Variants in TPRG1 observed in about 807,000 individuals in gnomAD.
TPRG1 encodes tumor protein p63-regulated gene 1 protein.
Under a neutral mutation model 29.3 loss-of-function variants are expected in TPRG1, and 29 were observed. The observed-to-expected ratio is 0.99, with a 90% CI of 0.74 to 1.35. TPRG1 has a LOEUF of 1.35. Ranked by LOEUF, TPRG1 falls within the 40% of genes most tolerant of loss-of-function variation. The probability of loss-of-function intolerance (pLI) is 0.00; values close to 1 mark genes in which losing one functional copy is unlikely to be tolerated. For missense variants in TPRG1, 327 were observed against 335.0 expected, an observed-to-expected ratio of 0.98 and a Z score of 0.19; for synonymous variants, 130 against 116.8, an observed-to-expected ratio of 1.11 and a Z score of -0.73.
chr3:189,146,380 A>C (rs1725266716), intron 3 of TPRG1, among the ~76,000 whole-genome samples: 1 of 152,194 alleles, frequency 6.6e-6, no homozygotes, highest in African/African-American at 2.4e-5. Flanking sequence ...AATTACTAGG[A>C]ATTTTCCAGG....
At chr3:189,185,841 A>T (rs1356560227) in intron 1 of TPRG1, among the ~76,000 whole-genome samples, 7 of 152,280 alleles carry the variant, frequency 4.6e-5, no homozygotes, top group African/African-American at 1.7e-4. Flanking sequence ...TCAGGATTTG[A>T]AAAACCATAT....
chr3:189,002,376 C>T (rs16863868), intron 2 of TPRG1, among the ~76,000 whole-genome samples: 12,913 of 151,956 alleles, frequency 0.085, 1,783 homozygotes, highest in African/African-American at 0.29. Context: ...GATTTTCTTA[C>T]ACTTAAGCTG....
At chr3:189,009,811 G>A (rs1712498941) in intron 3 of TPRG1, among the ~76,000 whole-genome samples, 1 of 151,526 alleles carries the variant, frequency 6.6e-6, no homozygotes, top group Admixed American at 6.6e-5. Context: ...TTTATTTTAA[G>A]TTCAGGGGTA....
chr3:189,136,884 C>T (rs1053162648), intron 3 of TPRG1, among the ~76,000 whole-genome samples: 1 of 152,122 alleles, frequency 6.6e-6, no homozygotes, highest in South Asian at 2.1e-4. Flanking sequence ...TTGGTCTCCA[C>T]AATCATCATT....
chr3:189,138,808 A>G (rs1277669315), intron 3 of TPRG1, among the ~76,000 whole-genome samples: 1 of 152,170 alleles, frequency 6.6e-6, no homozygotes, highest in East Asian at 1.9e-4. Flanking sequence ...TGAGGGCTTT[A>G]TGCATATAAG....
intron 1 of TPRG1, among the ~76,000 whole-genome samples, chr3:189,122,908 G>A (rs1441263455): frequency 6.6e-6 from 1 of 152,168 alleles, no homozygotes; most frequent in East Asian, 1.9e-4. Flanking sequence ...ACTCATTTAT[G>A]CACAAATATT....
chr3:189,112,464 G>A (rs187254323), intron 1 of TPRG1, among the ~76,000 whole-genome samples: 2 of 152,282 alleles, frequency 1.3e-5, no homozygotes, highest in East Asian at 1.9e-4. Context: ...CCTATGTCCT[G>A]AATGGTAATG....
intron 4 of TPRG1, among the ~76,000 whole-genome samples, chr3:189,091,437 G>A (rs185510384): frequency 8.4e-4 from 128 of 152,076 alleles, no homozygotes; most frequent in African/African-American, 3.0e-3. Context: ...CCATCACATA[G>A]TAATAGCCTG....
chr3:189,202,499 A>G (rs768165762), intron 1 of TPRG1, among the ~76,000 whole-genome samples: 5 of 152,168 alleles, frequency 3.3e-5, no homozygotes, highest in Admixed American at 6.5e-5. Flanking sequence ...TAAATCGTTC[A>G]ATATTATGTG....
intron 4 of TPRG1, among the ~76,000 whole-genome samples, chr3:189,256,016 G>T (rs990405764): frequency 2.6e-5 from 4 of 152,026 alleles, no homozygotes; most frequent in African/African-American, 7.2e-5. Context: ...ATCTCCTTCA[G>T]TTCTGCTCTG....
intron 4 of TPRG1, among the ~76,000 whole-genome samples, chr3:189,093,533 G>A (rs1302837255): frequency 1.3e-5 from 2 of 152,150 alleles, no homozygotes; most frequent in East Asian, 1.9e-4. Context: ...TTGTGGGCTC[G>A]CGGGGATTTT....
intron 1 of TPRG1, among the ~76,000 whole-genome samples, chr3:189,108,059 C>T (rs183568039): frequency 4.2e-4 from 64 of 152,236 alleles, no homozygotes; most frequent in Non-Finnish European, 1.3e-4. Flanking sequence ...ATGGGGAGGT[C>T]GCCACTTCAC....
upstream of TPRG1, among the ~76,000 whole-genome samples, chr3:189,167,069 T>C (rs573419328): frequency 1.3e-5 from 2 of 152,336 alleles, no homozygotes; most frequent in African/African-American, 4.8e-5. Context: ...GCGGTGTTTT[T>C]TTCTCTGATG....
chr3:189,276,988 C>G (rs1465078797), intron 4 of TPRG1, among the ~76,000 whole-genome samples: 5 of 152,142 alleles, frequency 3.3e-5, no homozygotes, highest in African/African-American at 7.2e-5. Flanking sequence ...CCTCTCTTTG[C>G]CTCCTTGTTA....
chr3:189,295,924 A>AC (rs1412564298), intron 4 of TPRG1, among the ~76,000 whole-genome samples: 7 of 105,762 alleles, frequency 6.6e-5, no homozygotes, highest in Non-Finnish European at 1.2e-4. Context: ...AAAAAAAAAA[A>AC]AAAAAAAACA....
At chr3:189,163,240 T>C (rs1018176802) in intron 5 of TPRG1, among the ~76,000 whole-genome samples, 15 of 152,196 alleles carry the variant, frequency 9.9e-5, no homozygotes, top group African/African-American at 3.6e-4. Context: ...ACCATTGCAC[T>C]GCAGCCTGGG....
rs1724597977 is a variant in TPRG1, at chr3:189,324,898, T to C, written c.*4078T>C. 6.6e-6 allele frequency: 1 copy of C among 152,172 alleles called. No individual in the cohort carries two copies. Among genetic ancestry groups the C allele is most frequent in the African/African-American group, 2.4e-5 (1 of 41,442 alleles). The allele number at this position is 152,172 out of a possible 1,614,324, so 9.4% of individuals were successfully genotyped here. On this transcript the variant is annotated 3_prime_UTR_variant, in exon 6 of 6. Coordinates refer to ENST00000345063, the MANE Select transcript of TPRG1 (RefSeq NM_198485.4). The stretch of plus-strand genomic sequence containing the variant: ...GGCTTGTGCCCACATCCTGTAGCTG[T>C]GGTTTAGGGACGCTGCTCATGAGTG...
intron 4 of TPRG1, among the ~76,000 whole-genome samples, chr3:189,066,563 A>G (rs1290741207): frequency 6.6e-6 from 1 of 152,122 alleles, no homozygotes; most frequent in Non-Finnish European, 1.5e-5. Flanking sequence ...AATGAAGTAC[A>G]ACATATGACC....
At chr3:189,295,634 G>T (rs750988310) in intron 4 of TPRG1, among the ~76,000 whole-genome samples, 14 of 151,104 alleles carry the variant, frequency 9.3e-5, no homozygotes, top group African/African-American at 1.9e-4. Context: ...GTAGTGGAAA[G>T]CTTCATTGAT....
Sources: gnomAD v4.1 joint callset for allele counts (sites outside exome capture counted in the v4.1 genomes callset) on GRCh38, gnomAD v4.1.1 for gene constraint, MANE v1.5 for transcripts, NCBI Gene and HGNC (gene_info 2026-07-23, HGNC 2026-07-21) for gene names.